AGBL1: variants seen among roughly 807,000 people sequenced by gnomAD.
AGBL1 encodes AGBL carboxypeptidase 1.
A neutral mutation model predicts 118.9 loss-of-function variants in AGBL1; 130 were observed. That is an observed-to-expected ratio of 1.09 (90% CI 0.95 to 1.26). The LOEUF (loss-of-function observed/expected upper bound fraction) is 1.26. Ranked by LOEUF, AGBL1 falls within the 50% of genes most tolerant of loss-of-function variation. AGBL1 has a pLI of 0.00. For missense variants in AGBL1, 1,584 were observed against 1,298.1 expected (o/e 1.22, Z -3.38); for synonymous variants, 555 against 478.9 (o/e 1.16, Z -2.08).
At chr15:86,204,962 GTGT>G (rs1326632211) in intron 5 of AGBL1, among the ~76,000 whole-genome samples, 3 of 152,138 alleles carry the variant, frequency 2.0e-5, no homozygotes, top group Non-Finnish European at 2.9e-5. Flanking sequence ...CTGACTTTTG[GTGT>G]TGTACATTCT....
intron 5 of AGBL1, among the ~76,000 whole-genome samples, chr15:86,221,961 A>G (rs1299080773): frequency 2.0e-5 from 3 of 152,180 alleles, no homozygotes; most frequent in Non-Finnish European, 4.4e-5. Context: ...TATTGGGTCA[A>G]AATTTCCAGT....
At chr15:86,526,540 C>A (rs201495690) in intron 19 of AGBL1, among the ~76,000 whole-genome samples, 1 of 48,646 alleles carries the variant, frequency 2.1e-5, no homozygotes, top group Non-Finnish European at 3.9e-5. Flanking sequence ...ATGTTTGTGT[C>A]TGTGTATATA....
At chr15:86,596,174 G>T (rs1043232071) in intron 21 of AGBL1, among the ~76,000 whole-genome samples, 17 of 152,036 alleles carry the variant, frequency 1.1e-4, no homozygotes, top group Admixed American at 1.1e-3. Flanking sequence ...TGGACATGTT[G>T]GCGTGTGCCT....
chr15:86,961,104 C>T (rs998230970), intron 23 of AGBL1, among the ~76,000 whole-genome samples: 5 of 152,052 alleles, frequency 3.3e-5, no homozygotes, highest in African/African-American at 7.2e-5. Flanking sequence ...CACACTCCCA[C>T]AGACAAATGG....
intron 22 of AGBL1, among the ~76,000 whole-genome samples, chr15:86,681,067 A>G (rs1283001145): frequency 6.6e-6 from 1 of 152,164 alleles, no homozygotes; most frequent in East Asian, 1.9e-4. Context: ...ATAAAGGATC[A>G]GTGATGCCAC....
chr15:86,688,173 A>G (rs545055771), intron 22 of AGBL1, among the ~76,000 whole-genome samples: 2 of 152,120 alleles, frequency 1.3e-5, no homozygotes, highest in East Asian at 3.9e-4. Flanking sequence ...TTGGTGCTGC[A>G]GGGGATTGAT....
At chr15:86,903,079 A>AT (rs944480000) in intron 22 of AGBL1, among the ~76,000 whole-genome samples, 23 of 150,568 alleles carry the variant, frequency 1.5e-4, no homozygotes, top group East Asian at 3.9e-4. Flanking sequence ...TGTTCTCTTT[A>AT]TTTTTTTTTA....
intron 22 of AGBL1, among the ~76,000 whole-genome samples, chr15:86,821,916 G>A (rs1002845227): frequency 1.1e-4 from 16 of 152,052 alleles, no homozygotes; most frequent in Admixed American, 7.2e-4. Context: ...AACCAATATC[G>A]CATGGGCACA....
intron 23 of AGBL1, among the ~76,000 whole-genome samples, chr15:86,977,263 T>G (rs1156485731): frequency 6.6e-6 from 1 of 151,986 alleles, no homozygotes; most frequent in Non-Finnish European, 1.5e-5. Flanking sequence ...TTATATATAT[T>G]TGACTTTGGC....
intron 5 of AGBL1, among the ~76,000 whole-genome samples, chr15:86,215,323 A>T (rs2078170776): frequency 6.6e-6 from 1 of 151,870 alleles, no homozygotes; most frequent in Admixed American, 6.6e-5. Context: ...GCTGTAGCAG[A>T]TGGTATTCTA....
chr15:86,884,325 C>T (rs1204995241), intron 22 of AGBL1, among the ~76,000 whole-genome samples: 6 of 152,060 alleles, frequency 3.9e-5, no homozygotes, highest in Non-Finnish European at 8.8e-5. Flanking sequence ...ATGTTCAGGC[C>T]AGGATGGAGT....
intron 17 of AGBL1, among the ~76,000 whole-genome samples, chr15:86,378,027 T>C (rs1334760474): frequency 1.3e-5 from 2 of 152,162 alleles, no homozygotes; most frequent in Non-Finnish European, 2.9e-5. Context: ...TGGTGTAACA[T>C]CCAGGCATTA....
At chr15:86,465,055 T>A (rs1202855031) in intron 18 of AGBL1, among the ~76,000 whole-genome samples, 1 of 152,102 alleles carries the variant, frequency 6.6e-6, no homozygotes, top group East Asian at 1.9e-4. Flanking sequence ...AAATGTAGGT[T>A]TTGTTGTTGT....
rs1596660335 is a variant in AGBL1, at chr15:86,945,293, T to C, written c.3222-42694T>C. Among the ~76,000 whole-genome samples the C allele has an allele frequency of 5.5e-5, 8 of 145,564 alleles. No homozygotes were observed. The South Asian group carries it at 1.8e-3, about 32-fold the overall frequency. ...GTTATAAAGAAAATATTTGATATCATGAAAAGAGTTCACGATATGTAAAGA... is the reference window on the plus strand; with the variant it reads ...GTTATAAAGAAAATATTTGATATCACGAAAAGAGTTCACGATATGTAAAGA... On this transcript the variant is annotated intron_variant, in intron 23 of 24. Transcript: ENST00000441037.
chr15:86,176,986 A>G (rs2077490797), intron 5 of AGBL1, among the ~76,000 whole-genome samples: 1 of 152,126 alleles, frequency 6.6e-6, no homozygotes. Context: ...CTCTCCTTCC[A>G]TGCCTCAGAG....
At position 86,890,331 on chromosome 15, in the gene AGBL1, C is replaced by T. The variant is rs113530857; in HGVS notation, c.3159-16756C>T. Among the ~76,000 whole-genome samples the T allele has an allele frequency of 3.9e-5, 6 of 152,182 alleles. 2 individuals carry two copies. Among genetic ancestry groups the T allele is most frequent in the African/African-American group, 1.4e-4 (6 of 41,512 alleles). ...TAGATTGCAAAAATTGTCTCCCATTCTGTAGGTTGTTTTTTCACTCTGATT... is the reference window on the plus strand; with the variant it reads ...TAGATTGCAAAAATTGTCTCCCATTTTGTAGGTTGTTTTTTCACTCTGATT... On this transcript the variant is annotated intron_variant, in intron 22 of 22. Coordinates refer to ENST00000614907, the MANE Select transcript of AGBL1 (RefSeq NM_001386094.1).
intron 24 of AGBL1, among the ~76,000 whole-genome samples, chr15:87,001,348 A>G (rs748096055): frequency 1.3e-5 from 2 of 152,026 alleles, no homozygotes. Flanking sequence ...TGCATGGTGT[A>G]TATGTGCCAT....
intron 7 of AGBL1, among the ~76,000 whole-genome samples, chr15:86,256,046 C>A (rs925420194): frequency 3.3e-5 from 5 of 152,118 alleles, no homozygotes; most frequent in African/African-American, 1.2e-4. Flanking sequence ...GGGGACCCCA[C>A]AAGTCATCTT....
chr15:86,109,331 A>G (rs1897230641), intron 1 of AGBL1, among the ~76,000 whole-genome samples: 2 of 152,246 alleles, frequency 1.3e-5, no homozygotes, highest in Admixed American at 1.3e-4. Context: ...AAGAACTTTT[A>G]GAAAGCAATG....
Sources: gnomAD v4.1 joint callset for allele counts (sites outside exome capture counted in the v4.1 genomes callset) on GRCh38, gnomAD v4.1.1 for gene constraint, MANE v1.5 for transcripts, NCBI Gene and HGNC (gene_info 2026-07-23, HGNC 2026-07-21) for gene names.